CTNNA3: variants seen among roughly 807,000 people sequenced by gnomAD.
CTNNA3 encodes catenin alpha-3.
In CTNNA3, 76 loss-of-function variants were observed where a neutral mutation model predicts 95.7. The observed-to-expected ratio is 0.79, with a 90% CI of 0.66 to 0.96. CTNNA3 has a LOEUF of 0.96. CTNNA3 is among the 40% of genes least tolerant of loss of function. The pLI, the probability that CTNNA3 is intolerant of heterozygous loss-of-function variation, is 0.00. For synonymous variants in CTNNA3, 431 were observed against 374.4 expected (o/e 1.15, Z -1.74); for missense variants, 1,191 against 1,089.8 (o/e 1.09, Z -1.31).
intron 9 of CTNNA3, among the ~76,000 whole-genome samples, chr10:66,714,368 T>G (rs1256955599): frequency 6.6e-6 from 1 of 152,102 alleles, no homozygotes; most frequent in African/African-American, 2.4e-5. Flanking sequence ...TTGGGCTCTT[T>G]CATACATTCA....
intron 9 of CTNNA3, among the ~76,000 whole-genome samples, chr10:66,629,418 A>T (rs1001443962): frequency 6.6e-6 from 1 of 151,678 alleles, no homozygotes; most frequent in African/African-American, 2.4e-5. Flanking sequence ...TTGGTGCAAA[A>T]GTGATTGTGG....
At chr10:66,730,093 G>T (rs142401828) in intron 9 of CTNNA3, among the ~76,000 whole-genome samples, 8 of 132,006 alleles carry the variant, frequency 6.1e-5, no homozygotes, top group Admixed American at 1.7e-4. Flanking sequence ...GTGACAGAGC[G>T]ATACTCTGTC....
At chr10:67,406,736 A>ATAT (rs1845151079) in intron 5 of CTNNA3, among the ~76,000 whole-genome samples, 1 of 152,024 alleles carries the variant, frequency 6.6e-6, no homozygotes, top group Non-Finnish European at 1.5e-5. Flanking sequence ...GACATGGAGG[A>ATAT]TATTACCACT....
intron 7 of CTNNA3, among the ~76,000 whole-genome samples, chr10:66,781,232 T>C (rs917630571): frequency 6.6e-6 from 1 of 152,212 alleles, no homozygotes; most frequent in Non-Finnish European, 1.5e-5. Context: ...TTGTTATTGT[T>C]ATGTTTTATT....
chr10:67,124,975 A>T (rs1859647354), intron 7 of CTNNA3, among the ~76,000 whole-genome samples: 2 of 152,282 alleles, frequency 1.3e-5, no homozygotes, highest in South Asian at 4.1e-4. Flanking sequence ...CTTGGGAAAA[A>T]TCATTTTTCA....
chr10:67,639,489 C>T (rs1839446829), intron 2 of CTNNA3, among the ~76,000 whole-genome samples: 1 of 152,132 alleles, frequency 6.6e-6, no homozygotes, highest in African/African-American at 2.4e-5. Flanking sequence ...AGAGGGAATC[C>T]TCCCTAACTC....
At chr10:66,842,275 A>T (rs1843094230) in intron 7 of CTNNA3, among the ~76,000 whole-genome samples, 1 of 151,804 alleles carries the variant, frequency 6.6e-6, no homozygotes, top group South Asian at 2.1e-4. Flanking sequence ...CAACCTTTCA[A>T]ATAATATATT....
chr10:66,104,542 A>G (rs1374836197), intron 13 of CTNNA3, among the ~76,000 whole-genome samples: 1 of 152,180 alleles, frequency 6.6e-6, no homozygotes, highest in Admixed American at 6.5e-5. Flanking sequence ...TGAGCTCTTC[A>G]TCCAAGTAGT....
At chr10:67,527,702 C>T (rs1840193672) in intron 4 of CTNNA3, among the ~76,000 whole-genome samples, 1 of 152,176 alleles carries the variant, frequency 6.6e-6, no homozygotes, top group African/African-American at 2.4e-5. Flanking sequence ...CCAGTATGAT[C>T]CTGAAGACTG....
At chr10:67,745,092 T>A (rs1233273722) in intron 1 of CTNNA3, among the ~76,000 whole-genome samples, 2 of 151,926 alleles carry the variant, frequency 1.3e-5, no homozygotes, top group African/African-American at 4.8e-5. Context: ...ATTGTGGAAG[T>A]CAGTGTGGCG....
At chr10:67,700,016 G>A (rs1841023053), upstream of CTNNA3, among the ~76,000 whole-genome samples, 1 of 152,242 alleles carries the variant, frequency 6.6e-6, no homozygotes, top group Admixed American at 6.5e-5. Context: ...GAGTCTCACT[G>A]ATTGCTAGCA....
chr10:66,444,288 G>A (rs544983593), intron 11 of CTNNA3, among the ~76,000 whole-genome samples: 14 of 152,204 alleles, frequency 9.2e-5, no homozygotes, highest in African/African-American at 1.2e-4. Context: ...AGTCTAGCAA[G>A]GCAGGCCAAC....
intron 4 of CTNNA3, among the ~76,000 whole-genome samples, chr10:67,529,996 G>GAGAGTTTCC (rs1840278435): frequency 3.3e-5 from 5 of 152,142 alleles, no homozygotes; most frequent in Admixed American, 6.5e-5. Context: ...CCCTACACAA[G>GAGAGTTTCC]CTCTCTCTTT....
chr10:66,411,855 G>A (rs952780892), intron 11 of CTNNA3, among the ~76,000 whole-genome samples: 2 of 152,130 alleles, frequency 1.3e-5, no homozygotes, highest in African/African-American at 4.8e-5. Context: ...ACACCCAAAA[G>A]GAAATGAGGA....
chr10:66,511,482 T>TTTA (rs1840657279), intron 11 of CTNNA3, among the ~76,000 whole-genome samples: 1 of 151,348 alleles, frequency 6.6e-6, no homozygotes, highest in Non-Finnish European at 1.5e-5. Context: ...CTTTTTTTTT[T>TTTA]TATATAGGTG....
intron 11 of CTNNA3, among the ~76,000 whole-genome samples, chr10:66,501,435 G>A (rs1840273381): frequency 6.6e-6 from 1 of 152,082 alleles, no homozygotes; most frequent in Non-Finnish European, 1.5e-5. Flanking sequence ...ATCAGGTGAG[G>A]GCTTGTTTCC....
chr10:67,229,856 T>C (rs1482040914), intron 5 of CTNNA3, among the ~76,000 whole-genome samples: 3 of 152,234 alleles, frequency 2.0e-5, no homozygotes, highest in Non-Finnish European at 4.4e-5. Context: ...CCCATGCTCA[T>C]GGATGGGTAG....
chr10:65,961,129 T>C (rs2077833023), intron 17 of CTNNA3, among the ~76,000 whole-genome samples: 1 of 152,166 alleles, frequency 6.6e-6, no homozygotes, highest in Admixed American at 6.5e-5. Flanking sequence ...ACTGCCACTT[T>C]AGGCAGTATA....
intron 11 of CTNNA3, among the ~76,000 whole-genome samples, chr10:66,393,637 A>G (rs2092951128): frequency 6.6e-6 from 1 of 152,124 alleles, no homozygotes; most frequent in South Asian, 2.1e-4. Context: ...TAGCCTTCAC[A>G]CAGTAACACC....
Sources: gnomAD v4.1 joint callset for allele counts (sites outside exome capture counted in the v4.1 genomes callset) on GRCh38, gnomAD v4.1.1 for gene constraint, MANE v1.5 for transcripts, NCBI Gene and HGNC (gene_info 2026-07-23, HGNC 2026-07-21) for gene names.